Variants in PKN2 observed in about 807,000 individuals in gnomAD.
The protein encoded by PKN2 is serine/threonine-protein kinase N2.
Under a neutral mutation model 119.1 loss-of-function variants are expected in PKN2, and 38 were observed. That is an observed-to-expected ratio of 0.32 (90% CI 0.25 to 0.42). The LOEUF (loss-of-function observed/expected upper bound fraction) is 0.42. Ranked by LOEUF, PKN2 falls within the 10% of genes least tolerant of loss-of-function variation. The pLI, the probability that PKN2 is intolerant of heterozygous loss-of-function variation, is 1.00. For missense variants in PKN2, 850 were observed against 1,165.1 expected (o/e 0.73, Z 3.94); for synonymous variants, 390 against 384.9 (o/e 1.01, Z -0.15).
At chr1:88,807,630 T>C (rs1331437531) in intron 14 of PKN2, 26 bp downstream of exon 14, 1 of 1,581,298 alleles carries the variant, frequency 6.3e-7, no homozygotes, top group African/African-American at 1.4e-5. Flanking sequence ...TTTTTTGGAA[T>C]ATCTACAACA....
intron 8 of PKN2, among the ~76,000 whole-genome samples, chr1:88,803,072 A>G (rs1671387319): frequency 6.6e-6 from 1 of 152,216 alleles, no homozygotes; most frequent in African/African-American, 2.4e-5. Flanking sequence ...GCCATTTGCT[A>G]GTCTTAATTA....
rs536057506 is a variant in PKN2 at position 88,742,198 on chromosome 1, T to C, written c.349+910T>C. 3.9e-5 allele frequency among the ~76,000 whole-genome samples: 6 copies of C among 152,290 alleles called. No homozygotes were observed. The East Asian group carries it at 9.6e-4, about 24-fold the overall frequency. On this transcript the variant is annotated intron_variant, in intron 2 of 21. Coordinates refer to ENST00000370521, the MANE Select transcript of PKN2 (RefSeq NM_006256.4). ...GTGAGAGTGTATAGAGTAATACACC[T>C]ATAGCATGGTAGAAAATTTAGAAGA...
chr1:88,730,164 C>CAAA (rs796401782), intron 1 of PKN2, among the ~76,000 whole-genome samples: 2 of 115,642 alleles, frequency 1.7e-5, no homozygotes, highest in Non-Finnish European at 1.9e-5. Flanking sequence ...GACTCCGTCT[C>CAAA]AAAAAAAAAA....
chr1:88,823,701 C>CT (rs1353830427), intron 17 of PKN2, among the ~76,000 whole-genome samples: 1 of 87,018 alleles, frequency 1.1e-5, no homozygotes, highest in East Asian at 3.6e-4. Context: ...GAGACTCTGT[C>CT]TTAAAAAAAA....
At chr1:88,764,670 A>G (rs541625341) in intron 3 of PKN2, among the ~76,000 whole-genome samples, 5 of 152,194 alleles carry the variant, frequency 3.3e-5, no homozygotes, top group African/African-American at 9.6e-5. Context: ...TGTGTGTACT[A>G]TAATTATTTT....
chr1:88,685,105 A>T (rs1376841323), intron 1 of PKN2: 1 of 154,904 alleles, frequency 6.5e-6, no homozygotes, highest in African/African-American at 2.4e-5. Flanking sequence ...GACTCCGCAC[A>T]AAGAGCGCCC....
intron 1 of PKN2, among the ~76,000 whole-genome samples, chr1:88,724,154 G>A (rs1430767930): frequency 6.6e-6 from 1 of 152,158 alleles, no homozygotes; most frequent in Non-Finnish European, 1.5e-5. Flanking sequence ...ATTTACTTAA[G>A]GAAAGCTCAA....
chr1:88,799,872 C>A (rs1671238490), intron 8 of PKN2, among the ~76,000 whole-genome samples: 1 of 152,200 alleles, frequency 6.6e-6, no homozygotes, highest in Non-Finnish European at 1.5e-5. Context: ...AGTGTACTAT[C>A]TGCATGCTGC....
chr1:88,704,251 G>A (rs1326938128), intron 1 of PKN2, among the ~76,000 whole-genome samples: 1 of 152,122 alleles, frequency 6.6e-6, no homozygotes, highest in African/African-American at 2.4e-5. Context: ...TACTTTGGAG[G>A]TGGGGGGCAT....
intron 1 of PKN2, among the ~76,000 whole-genome samples, chr1:88,699,778 T>A (rs904592125): frequency 3.9e-5 from 6 of 152,042 alleles, no homozygotes; most frequent in South Asian, 2.1e-4. Flanking sequence ...ATTTTTTTTT[T>A]AATTTTTTTA....
At chr1:88,755,388 A>G (rs571996927) in intron 2 of PKN2, among the ~76,000 whole-genome samples, 189 of 150,534 alleles carry the variant, frequency 1.3e-3, no homozygotes, top group African/African-American at 3.9e-3. Context: ...CTAATTGGGG[A>G]AAAAAAGTGA....
At chr1:88,784,973 A>G in intron 7 of PKN2, 149 bp downstream of exon 7, 1 of 462,188 alleles carries the variant, frequency 2.2e-6, no homozygotes, top group South Asian at 5.0e-5. Flanking sequence ...GTCAGGAAAC[A>G]AAAAGGCAAC....
chr1:88,830,702 G>A (rs3767389), intron 19 of PKN2, among the ~76,000 whole-genome samples: 16,956 of 152,006 alleles, frequency 0.11, 1,967 homozygotes, highest in African/African-American at 0.3. Flanking sequence ...CCTGTTTCAT[G>A]TTTTTTAAAA....
chr1:88,760,375 A>C lies in PKN2; in HGVS notation c.503A>C (p.Lys168Thr). ...CAGATGTATTCAAATGGATCTTCAA[A>C]GGTAAGTGTAGTTAATAAATGTAAC... Reference protein sequence around the residue: ...MIQMYSNGSSKDRKLHGTAQQ... With the variant: ...MIQMYSNGSSTDRKLHGTAQQ... Residue 168 changes from lysine (K) to threonine (T), a missense_variant and splice_region_variant, in exon 3 of 22, where the codon AAG (lysine) becomes ACG (threonine). Physicochemically the swap from Lys to Thr is moderately conservative, Grantham distance 78 (BLOSUM62 -1). Around this residue, in one of 9 missense-constraint regions of PKN2, gnomAD observed 350 missense variants for 511.1 expected, o/e 0.68. Coordinates refer to ENST00000370521, the MANE Select transcript of PKN2 (RefSeq NM_006256.4). 1 of 1,486,358 alleles carries C rather than the reference A, an allele frequency of 6.7e-7. No individual in the cohort carries two copies. Among genetic ancestry groups the C allele is most frequent in the Non-Finnish European group, 9.2e-7 (1 of 1,085,726 alleles). The allele number at this position is 1,486,358 out of a possible 1,614,324, so 92.1% of individuals were successfully genotyped here. A position where few individuals can be genotyped will look rare whatever the true frequency, so the allele number is the denominator to read the frequency against.
rs184510723 is a variant in PKN2, at chr1:88,813,554, C to T, written c.2103-3C>T. On this transcript the variant is annotated splice_polypyrimidine_tract_variant and splice_region_variant and intron_variant, in intron 15 of 21. Coordinates refer to ENST00000370521, the MANE Select transcript of PKN2 (RefSeq NM_006256.4). ...GCTTATTTTAAAATATTTTCTTTTA[C>T]AGCCTGATGTGTGAAAAAAGAATTT... is the stretch of plus-strand genomic sequence containing the variant. 6.4e-4 allele frequency: 985 copies of T among 1,534,860 alleles called. 8 individuals are homozygous for T. The highest frequency in any genetic ancestry group is 2.0e-4 in the South Asian group (16 of 80,606).
intron 8 of PKN2, among the ~76,000 whole-genome samples, chr1:88,789,591 AG>A (rs1670727518): frequency 6.6e-6 from 1 of 151,978 alleles, no homozygotes; most frequent in South Asian, 2.1e-4. Flanking sequence ...TAAACCCCGG[AG>A]GCAGAGGTTG....
At chr1:88,781,755 A>G (rs1410604682) in intron 6 of PKN2, among the ~76,000 whole-genome samples, 1 of 152,150 alleles carries the variant, frequency 6.6e-6, no homozygotes, top group Non-Finnish European at 1.5e-5. Flanking sequence ...TTGAAGTAGT[A>G]GCCAGATGTT....
intron 15 of PKN2, among the ~76,000 whole-genome samples, chr1:88,812,853 T>G (rs2100893958): frequency 1.3e-5 from 2 of 152,344 alleles, no homozygotes; most frequent in South Asian, 4.1e-4. Context: ...TAGCCAAAAT[T>G]CAGATTGGCT....
At chr1:88,818,203 A>G (rs993532040) in intron 16 of PKN2, among the ~76,000 whole-genome samples, 13 of 152,232 alleles carry the variant, frequency 8.5e-5, no homozygotes, top group African/African-American at 2.9e-4. Flanking sequence ...TGCCCAAGGA[A>G]ATAAGAGAGG....
Sources: gnomAD v4.1 joint callset for allele counts (sites outside exome capture counted in the v4.1 genomes callset) on GRCh38, gnomAD v4.1.1 for gene constraint, gnomAD v4.1.1 regional missense constraint, MANE v1.5 for transcripts, NCBI Gene and HGNC (gene_info 2026-07-23, HGNC 2026-07-21) for gene names.